Variants in NREP observed in about 807,000 individuals in gnomAD.
NREP encodes the protein neuronal regeneration-related protein.
In NREP, 5 loss-of-function variants were observed where a neutral mutation model predicts 8.6. The observed-to-expected ratio is 0.58, with a 90% CI of 0.30 to 1.22. NREP has a LOEUF of 1.22. NREP is among the 50% of genes most tolerant of loss of function. NREP has a pLI of 0.07. For synonymous variants in NREP, 27 were observed against 28.0 expected (o/e 0.96, Z 0.11); for missense variants, 86 against 82.5 (o/e 1.04, Z -0.17).
intron 2 of NREP, among the ~76,000 whole-genome samples, chr5:111,879,853 G>A (rs1346286496): frequency 6.6e-6 from 1 of 152,122 alleles, no homozygotes; most frequent in South Asian, 2.1e-4. Context: ...AAAAGACAGT[G>A]CAAGTGCTCT....
At chr5:111,811,915 A>C (rs1172681792) in intron 2 of NREP, among the ~76,000 whole-genome samples, 2 of 152,204 alleles carry the variant, frequency 1.3e-5, no homozygotes, top group Non-Finnish European at 2.9e-5. Flanking sequence ...AGAAATTAAA[A>C]ACTAATGTTT....
At chr5:111,940,200 C>T (rs1438618387) in intron 2 of NREP, 1 of 151,980 alleles carries the variant, frequency 6.6e-6, no homozygotes, top group Non-Finnish European at 1.5e-5. Flanking sequence ...ACTGTGATAG[C>T]CTTTTGTGAT....
chr5:111,807,947 C>G (rs1430008776), intron 2 of NREP, among the ~76,000 whole-genome samples: 2 of 145,584 alleles, frequency 1.4e-5, no homozygotes, highest in South Asian at 2.3e-4. Flanking sequence ...ACAACAACAA[C>G]AAAACCCTCT....
chr5:111,887,846 G>A (rs1001616217), intron 2 of NREP, among the ~76,000 whole-genome samples: 9 of 152,096 alleles, frequency 5.9e-5, no homozygotes, highest in African/African-American at 1.7e-4. Flanking sequence ...AGTACAAATT[G>A]GAAAAAGACT....
chr5:111,821,224 T>G (rs1162013538), intron 2 of NREP, among the ~76,000 whole-genome samples: 1 of 152,210 alleles, frequency 6.6e-6, no homozygotes, highest in African/African-American at 2.4e-5. Context: ...TAGATTCTCA[T>G]GCTTTCTTTG....
chr5:111,791,749 A>G (rs1325233926), intron 2 of NREP, among the ~76,000 whole-genome samples: 2 of 152,226 alleles, frequency 1.3e-5, no homozygotes, highest in Non-Finnish European at 2.9e-5. Context: ...TTGGGATTAC[A>G]GGCATGAGCC....
chr5:111,892,376 A>G (rs556758304), intron 2 of NREP, among the ~76,000 whole-genome samples: 254 of 152,332 alleles, frequency 1.7e-3, no homozygotes, highest in Non-Finnish European at 2.0e-3. Flanking sequence ...AATGGGTTCC[A>G]TTAAACAGGA....
At chr5:111,792,940 G>A (rs1751785506) in intron 2 of NREP, among the ~76,000 whole-genome samples, 1 of 152,036 alleles carries the variant, frequency 6.6e-6, no homozygotes, top group Non-Finnish European at 1.5e-5. Context: ...GTGGAACTTT[G>A]TTATTTCTAG....
intron 2 of NREP, among the ~76,000 whole-genome samples, chr5:111,785,365 A>C (rs1240173028): frequency 6.6e-6 from 1 of 151,674 alleles, no homozygotes; most frequent in African/African-American, 2.4e-5. Flanking sequence ...TGCAACCTCC[A>C]CCTCCTGGGT....
intron 2 of NREP, among the ~76,000 whole-genome samples, chr5:111,922,555 C>G (rs1181603133): frequency 6.6e-6 from 1 of 152,114 alleles, no homozygotes; most frequent in African/African-American, 2.4e-5. Flanking sequence ...ATTCTCTGAG[C>G]TCGATGGAGA....
At chr5:111,740,519 A>G (rs1749557447) in intron 2 of NREP, among the ~76,000 whole-genome samples, 1 of 152,088 alleles carries the variant, frequency 6.6e-6, no homozygotes, top group African/African-American at 2.4e-5. Flanking sequence ...CATGAAAAAT[A>G]ACTGCATTTT....
intron 2 of NREP, among the ~76,000 whole-genome samples, chr5:111,878,128 CAAG>C (rs1753955995): frequency 6.6e-6 from 1 of 152,294 alleles, no homozygotes; most frequent in Admixed American, 6.5e-5. Flanking sequence ...TACCAATACC[CAAG>C]AAGAACTGAC....
intron 2 of NREP, among the ~76,000 whole-genome samples, chr5:111,917,946 A>G (rs956382504): frequency 1.2e-4 from 19 of 152,162 alleles, no homozygotes; most frequent in African/African-American, 4.1e-4. Context: ...ACATGACTGT[A>G]TATTTAGAAA....
intron 2 of NREP, among the ~76,000 whole-genome samples, chr5:111,892,952 C>A (rs1053906037): frequency 3.9e-5 from 6 of 152,160 alleles, no homozygotes; most frequent in Non-Finnish European, 7.4e-5. Flanking sequence ...GCAAACCAAG[C>A]ATTAAACTAG....
chr5:111,778,921 T>C (rs1329150349), intron 2 of NREP, among the ~76,000 whole-genome samples: 2 of 152,140 alleles, frequency 1.3e-5, no homozygotes, highest in African/African-American at 4.8e-5. Flanking sequence ...TTTCATTCAG[T>C]ACTAAAGTAT....
At chr5:111,819,869 G>T (rs1398873103) in intron 2 of NREP, among the ~76,000 whole-genome samples, 1 of 152,092 alleles carries the variant, frequency 6.6e-6, no homozygotes, top group African/African-American at 2.4e-5. Context: ...ACTACACTTG[G>T]AACAGACAGA....
chr5:111,890,478 C>T (rs564039081), intron 2 of NREP, among the ~76,000 whole-genome samples: 2 of 152,314 alleles, frequency 1.3e-5, no homozygotes, highest in African/African-American at 4.8e-5. Flanking sequence ...CTGTTGGAGA[C>T]TCTGTGTGTG....
chr5:111,836,274 T>G (rs1276082939), intron 2 of NREP, among the ~76,000 whole-genome samples: 3 of 152,046 alleles, frequency 2.0e-5, no homozygotes, highest in Non-Finnish European at 2.9e-5. Context: ...AGATGAAGTA[T>G]TATTAGAATA....
intron 2 of NREP, among the ~76,000 whole-genome samples, chr5:111,771,283 T>A (rs975653415): frequency 1.1e-4 from 16 of 152,142 alleles, no homozygotes; most frequent in South Asian, 2.1e-4. Flanking sequence ...CTTCACAGAT[T>A]CTTTGAGTTA....
Sources: allele counts gnomAD v4.1 joint callset (sites outside exome capture counted in the v4.1 genomes callset), GRCh38; gene constraint gnomAD v4.1.1; transcripts MANE v1.5; gene names NCBI Gene and HGNC (gene_info 2026-07-23, HGNC 2026-07-21).